The following TMED3 variants were observed in gnomAD, a reference collection of about 807,000 sequenced individuals.
The protein encoded by TMED3 is transmembrane emp24 domain-containing protein 3.
A neutral mutation model predicts 15.0 loss-of-function variants in TMED3; 9 were observed. That is an observed-to-expected ratio of 0.60 (90% confidence interval 0.36 to 1.04). The LOEUF is 1.04. Ranked by LOEUF, TMED3 falls within the 50% of genes least tolerant of loss-of-function variation. TMED3 has a pLI of 0.01. For missense variants in TMED3, 267 were observed against 278.9 expected (o/e 0.96, Z 0.30); for synonymous variants, 117 against 121.4 (o/e 0.96, Z 0.24).
intron 2 of TMED3, among the ~76,000 whole-genome samples, chr15:79,362,790 T>C (rs906529460): frequency 6.6e-6 from 1 of 152,232 alleles, no homozygotes; most frequent in African/African-American, 2.4e-5. Context: ...CTCTGTCTTC[T>C]GCCATGATTG....
chr15:79,377,644 C>CTTT (rs71150905), intron 2 of TMED3, among the ~76,000 whole-genome samples: 1,764 of 123,570 alleles, frequency 0.014, 77 homozygotes, highest in African/African-American at 0.05. Context: ...ACAAACCGTT[C>CTTT]TTTTTTTTTT....
chr15:79,372,401 C>T (rs993586698), intron 2 of TMED3, among the ~76,000 whole-genome samples: 2 of 152,110 alleles, frequency 1.3e-5, no homozygotes, highest in Non-Finnish European at 2.9e-5. Flanking sequence ...GAGACTTCTC[C>T]TCTCCTCTCC....
At chr15:79,343,400 C>T (rs1257683058) in intron 2 of TMED3, among the ~76,000 whole-genome samples, 4 of 152,168 alleles carry the variant, frequency 2.6e-5, no homozygotes, top group Non-Finnish European at 4.4e-5. Flanking sequence ...AACATGTGGC[C>T]TGTTGAGATC....
At chr15:79,405,067 A>G (rs1390445316) in intron 2 of TMED3, among the ~76,000 whole-genome samples, 6 of 152,360 alleles carry the variant, frequency 3.9e-5, no homozygotes, top group Non-Finnish European at 7.3e-5. Flanking sequence ...AATTCTGAAT[A>G]TACAATGTTC....
intron 2 of TMED3, among the ~76,000 whole-genome samples, chr15:79,365,898 G>A (rs2141242960): frequency 6.6e-6 from 1 of 152,260 alleles, no homozygotes; most frequent in East Asian, 1.9e-4. Flanking sequence ...AGATCCATTT[G>A]GTGGGGTCCG....
intron 2 of TMED3, among the ~76,000 whole-genome samples, chr15:79,350,784 C>T (rs1009536304): frequency 1.3e-5 from 2 of 152,178 alleles, no homozygotes; most frequent in African/African-American, 4.8e-5. Context: ...GAATGGAGGA[C>T]ACTGCTGAGG....
chr15:79,326,142 A>G (rs2141220743), downstream of TMED3, among the ~76,000 whole-genome samples: 1 of 152,312 alleles, frequency 6.6e-6, no homozygotes, highest in South Asian at 2.1e-4. Flanking sequence ...CAAACATCAT[A>G]ATGATTCAAA....
At chr15:79,387,192 T>G (rs1893637091) in intron 2 of TMED3, among the ~76,000 whole-genome samples, 1 of 152,218 alleles carries the variant, frequency 6.6e-6, no homozygotes, top group African/African-American at 2.4e-5. Context: ...GCCTTTTATA[T>G]TTAAGTCTAT....
intron 2 of TMED3, among the ~76,000 whole-genome samples, chr15:79,396,457 C>T (rs1893764112): frequency 6.6e-6 from 1 of 152,152 alleles, no homozygotes; most frequent in African/African-American, 2.4e-5. Context: ...CAGTGGCCAT[C>T]CTAAGTAGAA....
At chr15:79,364,633 A>T (rs1352525667) in intron 2 of TMED3, among the ~76,000 whole-genome samples, 1 of 151,744 alleles carries the variant, frequency 6.6e-6, no homozygotes, top group African/African-American at 2.4e-5. Context: ...GCAGATGAGG[A>T]GATGAAACAC....
intron 2 of TMED3, among the ~76,000 whole-genome samples, chr15:79,378,923 T>G (rs2141248492): frequency 6.6e-6 from 1 of 152,312 alleles, no homozygotes; most frequent in South Asian, 2.1e-4. Context: ...TTCTTGGAAT[T>G]CTAAGTAATA....
intron 2 of TMED3, among the ~76,000 whole-genome samples, chr15:79,365,045 A>C (rs191831674): frequency 1.3e-4 from 20 of 152,364 alleles, no homozygotes; most frequent in Admixed American, 1.1e-3. Flanking sequence ...GGTCTCCTGC[A>C]TCTGTCCCTC....
chr15:79,351,678 G>A (rs756233175), intron 2 of TMED3, among the ~76,000 whole-genome samples: 3 of 152,140 alleles, frequency 2.0e-5, no homozygotes, highest in Non-Finnish European at 2.9e-5. Flanking sequence ...ATTCCTTAAA[G>A]AACTATAAGT....
intron 2 of TMED3, among the ~76,000 whole-genome samples, chr15:79,407,494 C>A (rs1021891241): frequency 1.3e-5 from 2 of 152,036 alleles, no homozygotes; most frequent in African/African-American, 4.8e-5. Flanking sequence ...GAAGCCAGAC[C>A]CTGGTTGTTG....
chr15:79,362,537 A>G (rs958534513), intron 2 of TMED3, among the ~76,000 whole-genome samples: 1 of 152,148 alleles, frequency 6.6e-6, no homozygotes, highest in Admixed American at 6.6e-5. Context: ...TTATTTATGT[A>G]TAAGAATTGA....
At chr15:79,395,097 T>C (rs929421250) in intron 2 of TMED3, among the ~76,000 whole-genome samples, 2 of 152,230 alleles carry the variant, frequency 1.3e-5, no homozygotes, top group Admixed American at 1.3e-4. Flanking sequence ...CTGCCTTCTG[T>C]TGGCCTGATA....
intron 1 of TMED3, among the ~76,000 whole-genome samples, chr15:79,312,114 G>A (rs769780002): frequency 6.6e-6 from 1 of 152,224 alleles, no homozygotes; most frequent in Non-Finnish European, 1.5e-5. Flanking sequence ...TTAGTGAGCA[G>A]GTCTAGGGTT....
chr15:79,383,058 C>A, intron 2 of TMED3: 1 of 1,531,784 alleles, frequency 6.5e-7, no homozygotes, highest in Non-Finnish European at 8.7e-7. Flanking sequence ...GCTTGTTTAC[C>A]TCCTGTGCAT....
Position 79,410,738 on chromosome 15 carries a change from A to G in TMED3, c.418-662A>G, listed in dbSNP as rs28396360. ...TATACATTCTCGTAGATGCATGTAT[A>G]TGAATAACAGCCCAGGATAAAGGAA... On this transcript the variant is annotated intron_variant, in intron 2 of 2. Coordinates refer to the TMED3 transcript ENST00000424155. Among the ~76,000 whole-genome samples, 955 of 152,182 alleles carry G rather than the reference A, an allele frequency of 6.3e-3. 10 individuals carry two copies. Among genetic ancestry groups the G allele is most frequent in the African/African-American group, 0.021 (875 of 41,524 alleles).
Sources: allele counts gnomAD v4.1 joint callset (sites outside exome capture counted in the v4.1 genomes callset), GRCh38; gene constraint gnomAD v4.1.1; transcripts MANE v1.5; gene names NCBI Gene and HGNC (gene_info 2026-07-23, HGNC 2026-07-21).